PLCB4: variants seen among roughly 807,000 people sequenced by gnomAD.
PLCB4 encodes phospholipase C beta 4, also known as 1-phosphatidylinositol 4,5-bisphosphate phosphodiesterase beta-4.
A neutral mutation model predicts 178.8 loss-of-function variants in PLCB4; 77 were observed. The observed-to-expected ratio is 0.43, with a 90% CI of 0.36 to 0.52. The LOEUF (loss-of-function observed/expected upper bound fraction) is 0.52, where lower values mean the gene tolerates loss of function less well. PLCB4 is among the 20% of genes least tolerant of loss of function. The probability of loss-of-function intolerance (pLI) is 0.00; values close to 1 mark genes in which losing one functional copy is unlikely to be tolerated. For missense variants in PLCB4, 1,024 were observed against 1,453.4 expected, an observed-to-expected ratio of 0.70 and a Z score of 4.80; for synonymous variants, 496 against 490.8, an observed-to-expected ratio of 1.01 and a Z score of -0.14.
intron 3 of PLCB4, among the ~76,000 whole-genome samples, chr20:9,243,455 T>C (rs575079614): frequency 1.3e-5 from 2 of 152,316 alleles, no homozygotes; most frequent in African/African-American, 4.8e-5. Context: ...TCAGATCCAT[T>C]TGGGATTTCA....
intron 2 of PLCB4, among the ~76,000 whole-genome samples, chr20:9,206,299 C>CTTTTTTCT (rs1568948051): frequency 6.2e-5 from 6 of 96,088 alleles, no homozygotes; most frequent in Admixed American, 1.2e-4. Context: ...TTTCTTTTTT[C>CTTTTTTCT]TTTTTTTTTT....
At chr20:9,132,970 A>C (rs1303694353) in intron 2 of PLCB4, among the ~76,000 whole-genome samples, 1 of 152,104 alleles carries the variant, frequency 6.6e-6, no homozygotes, top group Admixed American at 6.5e-5. Context: ...CACAATGCCC[A>C]GGACCACCCC....
rs1354646175 is a variant in PLCB4 at position 9,450,683 on chromosome 20, T to TG, written c.2881-2662dup. On this transcript the variant is annotated intron_variant, in intron 32 of 39. Coordinates refer to ENST00000378473, the MANE Select transcript of PLCB4 (RefSeq NM_001377142.1). The stretch of plus-strand genomic sequence containing the variant: ...CTTTTTTTTTTTTTTTTTTTTGAGA[T>TG]GGAGTCTTGCTCTGTCATGCAGTGG... 7.5e-3 allele frequency among the ~76,000 whole-genome samples: 984 copies of TG among 131,908 alleles called. 15 individuals carry two copies. Among genetic ancestry groups the TG allele is most frequent in the African/African-American group, 0.026 (928 of 36,024 alleles). The allele number at this position is 131,908 out of a possible 152,430, so 86.5% of individuals were successfully genotyped here.
chr20:9,263,760 G>A (rs1357017770), intron 3 of PLCB4, among the ~76,000 whole-genome samples: 1 of 152,158 alleles, frequency 6.6e-6, no homozygotes, highest in Non-Finnish European at 1.5e-5. Context: ...AGTTCAGGAT[G>A]AGCTGGAGAG....
At chr20:9,227,830 T>C (rs567926630) in intron 3 of PLCB4, among the ~76,000 whole-genome samples, 2 of 152,306 alleles carry the variant, frequency 1.3e-5, no homozygotes, top group African/African-American at 4.8e-5. Flanking sequence ...AAGAGTTTTA[T>C]TTTATAAATA....
At chr20:9,204,962 GATT>G (rs1056186310) in intron 2 of PLCB4, among the ~76,000 whole-genome samples, 2 of 151,622 alleles carry the variant, frequency 1.3e-5, no homozygotes, top group Non-Finnish European at 2.9e-5. Flanking sequence ...CATGTACATT[GATT>G]ATATTTTAAA....
At chr20:9,371,186 A>G (rs998271929) in intron 9 of PLCB4, 28 bp from the exon 10 acceptor site, 1 of 1,340,468 alleles carries the variant, frequency 7.5e-7, no homozygotes, top group Non-Finnish European at 1.1e-6. Context: ...AATAACTGGA[A>G]TGTGTGTTTC....
At chr20:9,284,551 A>C (rs1349824214) in intron 3 of PLCB4, among the ~76,000 whole-genome samples, 1 of 151,934 alleles carries the variant, frequency 6.6e-6, no homozygotes, top group Non-Finnish European at 1.5e-5. Context: ...GGTTTGAAGA[A>C]AGAGTTGGGG....
intron 3 of PLCB4, among the ~76,000 whole-genome samples, chr20:9,294,392 GA>G (rs1020554332): frequency 6.6e-6 from 1 of 151,754 alleles, no homozygotes; most frequent in African/African-American, 2.4e-5. Context: ...GATGAAGCTT[GA>G]AAAAAAATGG....
intron 32 of PLCB4, among the ~76,000 whole-genome samples, chr20:9,450,687 G>T (rs562405274): frequency 2.4e-5 from 3 of 125,296 alleles, no homozygotes. Context: ...TTGAGATGGA[G>T]TCTTGCTCTG....
At chr20:9,116,135 G>C (rs953573742) in intron 2 of PLCB4, among the ~76,000 whole-genome samples, 2 of 151,490 alleles carry the variant, frequency 1.3e-5, no homozygotes, top group Non-Finnish European at 2.9e-5. Flanking sequence ...TATTGTATCC[G>C]TGTGTGTGTG....
chr20:9,141,526 A>G (rs1045365440), intron 2 of PLCB4, among the ~76,000 whole-genome samples: 3 of 152,268 alleles, frequency 2.0e-5, no homozygotes, highest in South Asian at 2.1e-4. Context: ...GGATTTTTCA[A>G]TCCCCACTTT....
At chr20:9,286,192 G>C (rs1282413926) in intron 3 of PLCB4, among the ~76,000 whole-genome samples, 1 of 151,892 alleles carries the variant, frequency 6.6e-6, no homozygotes, top group African/African-American at 2.4e-5. Flanking sequence ...GGAGTTTTAG[G>C]GGTTTTTCCA....
chr20:9,165,147 C>A (rs542528458), intron 2 of PLCB4, among the ~76,000 whole-genome samples: 1 of 152,194 alleles, frequency 6.6e-6, no homozygotes, highest in Non-Finnish European at 1.5e-5. Flanking sequence ...GGCACGTGCC[C>A]GCTATAGCAA....
chr20:9,375,455 A>C (rs1267875201), intron 12 of PLCB4, among the ~76,000 whole-genome samples: 1 of 152,164 alleles, frequency 6.6e-6, no homozygotes, highest in Admixed American at 6.5e-5. Context: ...GCCCCTGTGA[A>C]GGTTCCTTGT....
chr20:9,388,987 T>C (rs1182875032), intron 15 of PLCB4, among the ~76,000 whole-genome samples: 1 of 152,166 alleles, frequency 6.6e-6, no homozygotes, highest in African/African-American at 2.4e-5. Flanking sequence ...AGATAACTAT[T>C]GTGAAATATT....
At chr20:9,135,430 G>A (rs1273136492) in intron 2 of PLCB4, among the ~76,000 whole-genome samples, 1 of 152,012 alleles carries the variant, frequency 6.6e-6, no homozygotes, top group Non-Finnish European at 1.5e-5. Context: ...TGCTGTGTTG[G>A]GTGTGAGGAA....
Position 9,479,140 on chromosome 20 carries a change from A to G in PLCB4, c.*131A>G. On this transcript the variant is annotated 3_prime_UTR_variant, in exon 40 of 40. Coordinates refer to ENST00000378473, the MANE Select transcript of PLCB4 (RefSeq NM_001377142.1). ...ATATCTGAAACCAGAGAGACTTGGA[A>G]TGTCTGACTGACTTCTATTTAACAG... 1.5e-6 allele frequency: 1 copy of G among 684,696 alleles called. No homozygotes were observed. Among genetic ancestry groups the G allele is most frequent in the East Asian group, 2.7e-5 (1 of 36,606 alleles). 42.4% of individuals were successfully genotyped at this position (684,696 alleles called of 1,614,324 possible). A position where few individuals can be genotyped will look rare whatever the true frequency, so the allele number is the denominator to read the frequency against.
intron 3 of PLCB4, among the ~76,000 whole-genome samples, chr20:9,304,569 GAT>G (rs1431142106): frequency 6.6e-6 from 1 of 152,120 alleles, no homozygotes; most frequent in Non-Finnish European, 1.5e-5. Flanking sequence ...TATTAAGTAT[GAT>G]ATTCAGATCT....
Sources: allele counts gnomAD v4.1 joint callset (sites outside exome capture counted in the v4.1 genomes callset), GRCh38; gene constraint gnomAD v4.1.1; transcripts MANE v1.5; gene names NCBI Gene and HGNC (gene_info 2026-07-23, HGNC 2026-07-21).